H2AC25: variants seen among roughly 807,000 people sequenced by gnomAD.
H2AC25 encodes histone H2A type 3.
chr1:228,457,683 G>T, the H2AC25 span: 1 of 1,613,528 alleles, frequency 6.2e-7, no homozygotes, highest in East Asian at 2.2e-5. Context: ...GGGCGCCGGC[G>T]CCCACGCGCT....
chr1:228,457,671 C>G, the H2AC25 span: 1 of 1,613,654 alleles, frequency 6.2e-7, no homozygotes, highest in Admixed American at 1.7e-5. Flanking sequence ...CCAGATAGAC[C>G]GGGGCGCCGG....
At chr1:228,457,818 T>C in the H2AC25 span, 1 of 1,589,036 alleles carries the variant, frequency 6.3e-7, no homozygotes, top group Non-Finnish European at 8.5e-7. Flanking sequence ...GACCGGACAT[T>C]TCCGAGTCAA....
At chr1:228,457,858 A>C in the H2AC25 span, 1 of 1,570,446 alleles carries the variant, frequency 6.4e-7, no homozygotes, top group Non-Finnish European at 8.6e-7. Flanking sequence ...CCGAAAAGCG[A>C]GACTAAAAAC....
At chr1:228,457,853 A>G in the H2AC25 span, 19 of 1,572,070 alleles carry the variant, frequency 1.2e-5, no homozygotes, top group East Asian at 4.0e-4. Context: ...GGCAACCGAA[A>G]AGCGAGACTA....
chr1:228,457,533 G>T, the H2AC25 span: 1 of 1,614,100 alleles, frequency 6.2e-7, no homozygotes, highest in South Asian at 1.1e-5. Flanking sequence ...CCAGCAGCTT[G>T]TTGAGCTCCT....
At chr1:228,457,467 C>A in the H2AC25 span, 3 of 1,614,106 alleles carry the variant, frequency 1.9e-6, no homozygotes, top group Non-Finnish European at 2.5e-6. Context: ...TCTTCTTGGG[C>A]AGCAGTACGG....
At chr1:228,457,817 T>C in the H2AC25 span, 13 of 1,589,266 alleles carry the variant, frequency 8.2e-6, no homozygotes, top group Non-Finnish European at 1.1e-5. Flanking sequence ...CGACCGGACA[T>C]TTCCGAGTCA....
the H2AC25 span, chr1:228,457,440 C>T: frequency 1.2e-6 from 2 of 1,614,078 alleles, no homozygotes; most frequent in Non-Finnish European, 1.7e-6. Flanking sequence ...TGCCCTTGGC[C>T]TTGTGGTGGC....
chr1:228,457,765 C>A, the H2AC25 span: 2 of 1,610,762 alleles, frequency 1.2e-6, no homozygotes, highest in Admixed American at 1.7e-5. Flanking sequence ...GCGCGACGAG[C>A]GCGACTTAGC....
chr1:228,457,438 G>A, the H2AC25 span: 1 of 1,614,072 alleles, frequency 6.2e-7, no homozygotes, highest in Non-Finnish European at 8.5e-7. Flanking sequence ...CTTGCCCTTG[G>A]CCTTGTGGTG....
chr1:228,457,509 G>A, the H2AC25 span: 10 of 1,613,968 alleles, frequency 6.2e-6, no homozygotes, highest in Non-Finnish European at 7.6e-6. Flanking sequence ...CACCCTGCGC[G>A]ATGGTCACGC....
chr1:228,457,660 G>T, the H2AC25 span: 7 of 1,613,664 alleles, frequency 4.3e-6, no homozygotes, highest in Admixed American at 5.0e-5. Context: ...GAGCACCGCG[G>T]CCAGATAGAC....
the H2AC25 span, chr1:228,457,782 G>A: frequency 1.9e-6 from 3 of 1,608,742 alleles, no homozygotes; most frequent in African/African-American, 1.3e-5. Context: ...TAGCCTTGGC[G>A]CGCGCCTTGC....
At chr1:228,457,862 T>TA in the H2AC25 span, 1 of 1,567,218 alleles carries the variant, frequency 6.4e-7, no homozygotes, top group African/African-American at 1.4e-5. Flanking sequence ...AAAGCGAGAC[T>TA]AAAAACAAGA....
the H2AC25 span, chr1:228,457,822 G>C: frequency 6.3e-7 from 1 of 1,585,860 alleles, no homozygotes; most frequent in East Asian, 2.2e-5. Flanking sequence ...GGACATTTCC[G>C]AGTCAAGGAA....
the H2AC25 span, chr1:228,457,830 GA>G: frequency 5.7e-6 from 9 of 1,581,608 alleles, no homozygotes; most frequent in Non-Finnish European, 7.7e-6. Context: ...CCGAGTCAAG[GA>G]AAAAAGACAA....
the H2AC25 span, chr1:228,457,533 G>C: frequency 3.7e-6 from 6 of 1,614,100 alleles, no homozygotes; most frequent in Non-Finnish European, 5.1e-6. Flanking sequence ...CCAGCAGCTT[G>C]TTGAGCTCCT....
At chr1:228,457,545 G>T in the H2AC25 span, 6 of 1,614,120 alleles carry the variant, frequency 3.7e-6, no homozygotes, top group Non-Finnish European at 5.1e-6. Context: ...TGAGCTCCTC[G>T]TCGTTGCGGA....
chr1:228,457,623 C>T, the H2AC25 span: 3 of 1,613,934 alleles, frequency 1.9e-6, no homozygotes, highest in South Asian at 2.2e-5. Flanking sequence ...TGCCGGCAAG[C>T]TCCAGGATCT....
Sources: gnomAD v4.1 joint callset for allele counts on GRCh38, gnomAD v4.1.1 for gene constraint, MANE v1.5 for transcripts, NCBI Gene and HGNC (gene_info 2026-07-23, HGNC 2026-07-21) for gene names.